Variants in NRG3 observed in about 807,000 individuals in gnomAD.
The protein encoded by NRG3 is pro-neuregulin-3, membrane-bound isoform.
NRG3 carries 31 observed loss-of-function variants against 66.9 expected under a neutral mutation model. The ratio of observed to expected loss-of-function variants is 0.46; its 90% CI spans 0.35 to 0.63. The LOEUF (loss-of-function observed/expected upper bound fraction) is 0.63. Ranked by LOEUF, NRG3 falls within the 20% of genes least tolerant of loss-of-function variation. The pLI, the probability that NRG3 is intolerant of heterozygous loss-of-function variation, is 0.00. For missense variants in NRG3, 910 were observed against 878.9 expected (o/e 1.04, Z -0.45); for synonymous variants, 393 against 359.4 (o/e 1.09, Z -1.06).
At chr10:82,532,403 A>G (rs978613458) in intron 2 of NRG3, among the ~76,000 whole-genome samples, 2 of 150,672 alleles carry the variant, frequency 1.3e-5, no homozygotes, top group Non-Finnish European at 3.0e-5. Flanking sequence ...TACTATATAT[A>G]TAGTACAATA....
At chr10:81,921,052 T>G (rs1846204553) in intron 1 of NRG3, among the ~76,000 whole-genome samples, 1 of 152,120 alleles carries the variant, frequency 6.6e-6, no homozygotes, top group African/African-American at 2.4e-5. Flanking sequence ...TGGTATGTAT[T>G]TGCAAATTGA....
chr10:82,113,926 C>T (rs1392805599), intron 1 of NRG3, among the ~76,000 whole-genome samples: 1 of 152,114 alleles, frequency 6.6e-6, no homozygotes, highest in Non-Finnish European at 1.5e-5. Context: ...ACAATCACTT[C>T]TTATTTAATT....
intron 1 of NRG3, among the ~76,000 whole-genome samples, chr10:82,093,771 A>C (rs1426010240): frequency 6.6e-6 from 1 of 152,186 alleles, no homozygotes; most frequent in East Asian, 1.9e-4. Flanking sequence ...AGATGATTAA[A>C]TATAAGCCTT....
At chr10:81,880,997 C>A (rs772973098) in intron 1 of NRG3, among the ~76,000 whole-genome samples, 3 of 152,126 alleles carry the variant, frequency 2.0e-5, no homozygotes, top group Non-Finnish European at 4.4e-5. Context: ...TGCAATATCA[C>A]AATCAAAACT....
At chr10:82,238,319 C>T (rs780786913) in intron 1 of NRG3, among the ~76,000 whole-genome samples, 1 of 151,302 alleles carries the variant, frequency 6.6e-6, no homozygotes, top group Non-Finnish European at 1.5e-5. Context: ...TCTAAAAAAG[C>T]TTAAAAAGAA....
chr10:81,882,487 T>C (rs1842268555), intron 1 of NRG3, among the ~76,000 whole-genome samples: 3 of 152,192 alleles, frequency 2.0e-5, no homozygotes, highest in African/African-American at 7.2e-5. Context: ...CCTCTAGCCG[T>C]GAATTCTATA....
intron 1 of NRG3, among the ~76,000 whole-genome samples, chr10:81,891,625 G>A (rs1005481807): frequency 2.6e-5 from 4 of 152,144 alleles, no homozygotes; most frequent in Non-Finnish European, 4.4e-5. Context: ...TATTTGTGAC[G>A]TTTCTTTTCT....
chr10:82,738,361 A>G (rs113427805), intron 2 of NRG3, among the ~76,000 whole-genome samples: 30 of 152,248 alleles, frequency 2.0e-4, no homozygotes, highest in African/African-American at 7.2e-4. Flanking sequence ...ATATCAAACT[A>G]TAAAAGCAAA....
At chr10:82,235,314 C>A (rs965913468) in intron 1 of NRG3, among the ~76,000 whole-genome samples, 4 of 152,204 alleles carry the variant, frequency 2.6e-5, no homozygotes, top group South Asian at 4.1e-4. Flanking sequence ...CTATCTGCCC[C>A]TTTACAGGAA....
At chr10:82,299,881 G>A (rs1249441713) in intron 1 of NRG3, among the ~76,000 whole-genome samples, 2 of 152,152 alleles carry the variant, frequency 1.3e-5, no homozygotes, top group Non-Finnish European at 2.9e-5. Flanking sequence ...ATCTGTAGAA[G>A]CAGAAGAGAT....
At chr10:82,131,173 G>GATTTA (rs2068791209) in intron 1 of NRG3, among the ~76,000 whole-genome samples, 3 of 152,048 alleles carry the variant, frequency 2.0e-5, no homozygotes, top group Non-Finnish European at 4.4e-5. Flanking sequence ...TTCATTGTTT[G>GATTTA]AGGTCTTAGA....
intron 2 of NRG3, among the ~76,000 whole-genome samples, chr10:82,693,586 T>G (rs1256920020): frequency 6.6e-6 from 1 of 152,140 alleles, no homozygotes; most frequent in Non-Finnish European, 1.5e-5. Flanking sequence ...AATTCCTCTA[T>G]TATATAATTA....
intron 2 of NRG3, among the ~76,000 whole-genome samples, chr10:82,639,421 T>C (rs1472086302): frequency 1.3e-5 from 2 of 152,302 alleles, no homozygotes; most frequent in African/African-American, 4.8e-5. Flanking sequence ...TTTGAACATA[T>C]GAATTTTGGA....
intron 1 of NRG3, among the ~76,000 whole-genome samples, chr10:82,008,981 G>A (rs1398801642): frequency 6.6e-6 from 1 of 152,120 alleles, no homozygotes; most frequent in Non-Finnish European, 1.5e-5. Flanking sequence ...ATGAAGTGCT[G>A]CAGTTTGCAT....
intron 2 of NRG3, among the ~76,000 whole-genome samples, chr10:82,449,895 T>C (rs1179772652): frequency 1.3e-5 from 2 of 152,170 alleles, no homozygotes; most frequent in Non-Finnish European, 2.9e-5. Context: ...GGGAGAGAGA[T>C]AGCAGAAGAC....
intron 4 of NRG3, among the ~76,000 whole-genome samples, chr10:82,869,872 T>C (rs1472941069): frequency 6.6e-6 from 1 of 151,666 alleles, no homozygotes; most frequent in Non-Finnish European, 1.5e-5. Context: ...CCTCCCAAAG[T>C]GCTAGGATTA....
intron 1 of NRG3, among the ~76,000 whole-genome samples, chr10:82,170,880 A>G (rs1482592852): frequency 2.0e-5 from 3 of 151,110 alleles, no homozygotes; most frequent in African/African-American, 7.3e-5. Flanking sequence ...AGGAGAAGTC[A>G]TATTATAAGT....
intron 1 of NRG3, among the ~76,000 whole-genome samples, chr10:82,185,132 C>T (rs549683241): frequency 1.3e-4 from 20 of 152,176 alleles, no homozygotes; most frequent in African/African-American, 4.8e-4. Context: ...GAGATCCAGA[C>T]TCAGGACCAG....
chr10:82,811,794 G>C (rs1444244899), intron 3 of NRG3, among the ~76,000 whole-genome samples: 2 of 152,198 alleles, frequency 1.3e-5, no homozygotes, highest in Non-Finnish European at 2.9e-5. Flanking sequence ...CCATGGAGCT[G>C]CATTCACCAG....
Sources: allele counts gnomAD v4.1 joint callset (sites outside exome capture counted in the v4.1 genomes callset), GRCh38; gene constraint gnomAD v4.1.1; transcripts MANE v1.5; gene names NCBI Gene and HGNC (gene_info 2026-07-23, HGNC 2026-07-21).